Variants in MYT1L observed in about 807,000 individuals in gnomAD.
MYT1L encodes the protein myelin transcription factor 1-like protein.
Under a neutral mutation model 126.7 loss-of-function variants are expected in MYT1L, and 12 were observed. That is an observed-to-expected ratio of 0.09 (90% CI 0.06 to 0.15). The LOEUF is 0.15. MYT1L is among the 10% of genes least tolerant of loss of function. MYT1L has a pLI of 1.00. For synonymous variants in MYT1L, 541 were observed against 604.2 expected (o/e 0.90, Z 1.53); for missense variants, 979 against 1,585.2 (o/e 0.62, Z 6.49).
intron 18 of MYT1L, among the ~76,000 whole-genome samples, chr2:1,854,448 T>C (rs887766957): frequency 6.6e-6 from 1 of 152,202 alleles, no homozygotes; most frequent in Non-Finnish European, 1.5e-5. Context: ...ATCTGTGTTA[T>C]GAGATTAACG....
rs764933563 is a variant in MYT1L, at chr2:1,923,056, T to G, written c.713A>C (p.Asp238Ala). 6.2e-7 allele frequency: 1 copy of G among 1,613,930 alleles called. No individual in the cohort carries two copies. The highest frequency in any genetic ancestry group is 1.1e-5 in the South Asian group (1 of 91,094). ...TTTCCGACCCAGGTTTTCGTTTTTG[T>G]CACTATCGTCTTCCAGACTATTGGA... ...NTSNSLEDDS[D>A]KNENLGRKSE... The change falls in exon 10 of 25, where the codon GAC becomes GCC. Residue 238 changes from aspartate (D) to alanine (A), a missense_variant. Around this residue, in one of 12 missense-constraint regions of MYT1L, gnomAD observed 243 missense variants for 363.9 expected, o/e 0.67. Coordinates refer to ENST00000647738, the MANE Select transcript of MYT1L (RefSeq NM_001303052.2).
At chr2:2,077,294 C>T (rs1344926802) in intron 3 of MYT1L, among the ~76,000 whole-genome samples, 1 of 152,074 alleles carries the variant, frequency 6.6e-6, no homozygotes, top group Non-Finnish European at 1.5e-5. Context: ...GAAATAATGG[C>T]TGAAAGCTTT....
chr2:1,909,539 G>A (rs1370494097), intron 13 of MYT1L, among the ~76,000 whole-genome samples: 2 of 152,176 alleles, frequency 1.3e-5, no homozygotes, highest in Non-Finnish European at 2.9e-5. Context: ...CAAACAACAC[G>A]TAAGAATGAA....
intron 23 of MYT1L, among the ~76,000 whole-genome samples, chr2:1,796,553 G>A (rs926459463): frequency 1.8e-4 from 27 of 152,154 alleles, no homozygotes; most frequent in Non-Finnish European, 2.5e-4. Flanking sequence ...CTGGGCCCTC[G>A]CACCAGGAGC....
intron 3 of MYT1L, among the ~76,000 whole-genome samples, chr2:2,095,365 T>C (rs1427292322): frequency 6.6e-6 from 1 of 152,174 alleles, no homozygotes. Flanking sequence ...TCATCAATGC[T>C]CCTCAGTATG....
At chr2:1,867,766 T>G (rs995225225) in intron 18 of MYT1L, among the ~76,000 whole-genome samples, 1 of 152,200 alleles carries the variant, frequency 6.6e-6, no homozygotes, top group Non-Finnish European at 1.5e-5. Context: ...CTCATTAATG[T>G]GAATATGTAG....
intron 8 of MYT1L, among the ~76,000 whole-genome samples, chr2:1,977,973 A>G (rs1380798797): frequency 6.6e-6 from 1 of 152,242 alleles, no homozygotes; most frequent in East Asian, 1.9e-4. Flanking sequence ...ACTAAATTTA[A>G]TAATTGAAAT....
chr2:1,792,035 T>C, intron 24 of MYT1L, 28 bp from the exon 25 acceptor site: 3 of 1,487,780 alleles, frequency 2.0e-6, no homozygotes, highest in South Asian at 2.6e-5. Context: ...GTAGTTCATA[T>C]ACAACTTTTA....
chr2:2,031,531 C>G (rs1341402438), intron 4 of MYT1L, among the ~76,000 whole-genome samples: 2 of 142,982 alleles, frequency 1.4e-5, no homozygotes, highest in African/African-American at 5.3e-5. Context: ...CTCCCAAGTG[C>G]CTCTCATCCT....
chr2:2,098,208 T>C (rs1463973559), intron 3 of MYT1L, among the ~76,000 whole-genome samples: 1 of 152,010 alleles, frequency 6.6e-6, no homozygotes, highest in Non-Finnish European at 1.5e-5. Flanking sequence ...CTGCAGCACA[T>C]TAACAGATTG....
Position 1,929,948 on chromosome 2 carries a change from C to G in MYT1L, c.506-6685G>C, listed in dbSNP as rs1484070780. ...TCGGAGGGTCACAACGCAGTGTCAT[C>G]TCTAAGATAATTTTCTGAGACATAG... On this transcript the variant is annotated intron_variant, in intron 9 of 24. Transcript: ENST00000647738. The surrounding 1 kb of genome is among the most constrained non-coding windows in gnomAD (Gnocchi z 4.7). Among the ~76,000 whole-genome samples the G allele has an allele frequency of 6.6e-6, 1 of 152,180 alleles. No individual in the cohort carries two copies. Among genetic ancestry groups the G allele is most frequent in the Non-Finnish European group, 1.5e-5 (1 of 68,040 alleles).
chr2:1,859,779 C>A (rs1302425912), intron 18 of MYT1L, among the ~76,000 whole-genome samples: 2 of 152,246 alleles, frequency 1.3e-5, no homozygotes, highest in African/African-American at 2.4e-5. Context: ...CGCCCTGCCC[C>A]CTGGCCCTGG....
At chr2:2,158,274 A>T (rs373767564) in intron 3 of MYT1L, among the ~76,000 whole-genome samples, 8 of 152,244 alleles carry the variant, frequency 5.3e-5, no homozygotes, top group African/African-American at 1.9e-4. Context: ...AAGGAAAAAA[A>T]ACCCACTTCT....
rs546056914 is a variant in MYT1L at position 2,196,250 on chromosome 2, G to C, written c.-420-23262C>G. 2.0e-5 allele frequency among the ~76,000 whole-genome samples: 3 copies of C among 150,122 alleles called. No homozygotes were observed. In the South Asian group the frequency reaches 6.3e-4, roughly 31 times the overall value. ...CTTAAATAAAGTGATTGCCTATGTG[G>C]GTGAAAAAAAAATCCTTAAAAATGA... On this transcript the variant is annotated intron_variant, in intron 2 of 24. Coordinates refer to ENST00000647738, the MANE Select transcript of MYT1L (RefSeq NM_001303052.2).
intron 9 of MYT1L, among the ~76,000 whole-genome samples, chr2:1,937,341 G>T (rs962767657): frequency 6.6e-6 from 1 of 151,490 alleles, no homozygotes; most frequent in Non-Finnish European, 1.5e-5. Context: ...CCTAATGTCT[G>T]CAGCCATCAG....
At chr2:2,008,006 T>A (rs908558489) in intron 4 of MYT1L, among the ~76,000 whole-genome samples, 1 of 152,138 alleles carries the variant, frequency 6.6e-6, no homozygotes, top group Non-Finnish European at 1.5e-5. Flanking sequence ...GCAGAGAGCA[T>A]CTCTATAGTA....
At chr2:2,239,204 A>G (rs1025397775) in intron 2 of MYT1L, among the ~76,000 whole-genome samples, 5 of 152,262 alleles carry the variant, frequency 3.3e-5, no homozygotes, top group Non-Finnish European at 5.9e-5. Flanking sequence ...TGCAGCCACC[A>G]TAACATAACA....
At chr2:2,288,505 G>A (rs932684228) in intron 1 of MYT1L, among the ~76,000 whole-genome samples, 18 of 152,136 alleles carry the variant, frequency 1.2e-4, no homozygotes, top group African/African-American at 3.1e-4. Flanking sequence ...GAAATGTGCC[G>A]TAAAGGTAAA....
chr2:2,148,453 ACCT>A lies in MYT1L; in HGVS notation c.-304+24416_-304+24418del, dbSNP rs1343871250. ...CTGCAATGCCACTGGCCTGCCACTC[ACCT>A]CCTGCTGTGAGGCTGGGTTCCTAAC... On this transcript the variant is annotated intron_variant, in intron 3 of 24. Coordinates refer to ENST00000647738, the MANE Select transcript of MYT1L (RefSeq NM_001303052.2). 3.3e-5 allele frequency among the ~76,000 whole-genome samples: 5 copies of A among 152,042 alleles called. No homozygotes were observed. The East Asian group carries it at 9.6e-4, about 29-fold the overall frequency.
Sources: gnomAD v4.1 joint callset for allele counts (sites outside exome capture counted in the v4.1 genomes callset) on GRCh38, gnomAD v4.1.1 for gene constraint, gnomAD v4.1.1 regional missense constraint, Gnocchi (gnomAD v3.1) non-coding constraint, MANE v1.5 for transcripts, NCBI Gene and HGNC (gene_info 2026-07-23, HGNC 2026-07-21) for gene names.